The following POLR3B variants were observed in gnomAD, a reference collection of about 807,000 sequenced individuals.
POLR3B encodes the protein RNA polymerase III subunit B, also known as DNA-directed RNA polymerase III subunit RPC2.
In POLR3B, 96 loss-of-function variants were observed where a neutral mutation model predicts 147.4. The ratio of observed to expected loss-of-function variants is 0.65; its 90% confidence interval spans 0.55 to 0.77. The LOEUF is 0.77. POLR3B is among the 30% of genes least tolerant of loss of function. The pLI, the probability that POLR3B is intolerant of heterozygous loss-of-function variation, is 0.00. For missense variants in POLR3B, 1,036 were observed against 1,413.5 expected (o/e 0.73, Z 4.28); for synonymous variants, 461 against 485.9 (o/e 0.95, Z 0.67).
intron 2 of POLR3B, among the ~76,000 whole-genome samples, chr12:106,365,094 C>T (rs547215616): frequency 6.6e-6 from 1 of 152,178 alleles, no homozygotes; most frequent in East Asian, 1.9e-4. Flanking sequence ...GAGATCGCGC[C>T]ACTGCACTGC....
At chr12:106,439,823 A>G (rs2037625396) in intron 18 of POLR3B, among the ~76,000 whole-genome samples, 1 of 152,074 alleles carries the variant, frequency 6.6e-6, no homozygotes. Flanking sequence ...TTGGGAGGCT[A>G]AGGCATGAGG....
In POLR3B at chr12:106,433,770, G is replaced by A. The variant is rs779858391; in HGVS notation, c.1679G>A (p.Arg560Gln). 21 of 1,613,124 alleles carry A rather than the reference G, an allele frequency of 1.3e-5. No individual in the cohort carries two copies. The highest frequency in any genetic ancestry group is 6.7e-5 in the East Asian group (3 of 44,856). The change falls in exon 16 of 28, where the codon CGA becomes CAA. Residue 560 changes from arginine (R) to glutamine (Q), a missense_variant. Arg to Gln is a conservative substitution (Grantham distance 43). Transcript: ENST00000228347. Reference sequence around the variant, plus strand: ...CACAAAAAGCTAGTGAATACATTTCGACTCATGAGAAGAGCAGGATATATC... The same window carrying A: ...CACAAAAAGCTAGTGAATACATTTCAACTCATGAGAAGAGCAGGATATATC... ...RDHKKLVNTF[R>Q]LMRRAGYINE...
intron 23 of POLR3B, among the ~76,000 whole-genome samples, chr12:106,468,905 A>G (rs1318384501): frequency 6.6e-6 from 1 of 152,160 alleles, no homozygotes; most frequent in African/African-American, 2.4e-5. Context: ...TGCTGAGAAA[A>G]ATGTATATTC....
At position 106,432,762 on chromosome 12, in the gene POLR3B, G is replaced by A. The variant is rs1033087640; in HGVS notation, c.1627+282G>A. Among the ~76,000 whole-genome samples, 7 of 152,088 alleles carry A rather than the reference G, an allele frequency of 4.6e-5. No individual in the cohort carries two copies. In the South Asian group the frequency reaches 6.2e-4, roughly 14 times the overall value. On this transcript the variant is annotated intron_variant, in intron 15 of 27. Coordinates refer to ENST00000228347, the MANE Select transcript of POLR3B (RefSeq NM_018082.6). ...TGCTGGCATATCCTTAGTGGAATACGGTTCAACATGGTATCTTTAAGTACA... is the reference window on the plus strand; with the variant it reads ...TGCTGGCATATCCTTAGTGGAATACAGTTCAACATGGTATCTTTAAGTACA...
At chr12:106,364,649 A>G (rs1382822306) in intron 2 of POLR3B, among the ~76,000 whole-genome samples, 1 of 152,232 alleles carries the variant, frequency 6.6e-6, no homozygotes, top group Non-Finnish European at 1.5e-5. Context: ...AAACCTGTAC[A>G]CAAATGCTCA....
chr12:106,410,103 TCA>T (rs1306189653), intron 11 of POLR3B: 6 of 152,290 alleles, frequency 3.9e-5, no homozygotes, highest in Non-Finnish European at 8.8e-5. Context: ...ATTCTTGTTA[TCA>T]CTGCATGACA....
At chr12:106,486,897 T>C (rs924833130) in intron 23 of POLR3B, among the ~76,000 whole-genome samples, 7 of 152,180 alleles carry the variant, frequency 4.6e-5, no homozygotes, top group African/African-American at 1.4e-4. Flanking sequence ...GCCCTCAACT[T>C]TGACAGTTCT....
chr12:106,379,633 G>C (rs976483750), intron 8 of POLR3B, among the ~76,000 whole-genome samples: 2 of 152,138 alleles, frequency 1.3e-5, no homozygotes, highest in Non-Finnish European at 2.9e-5. Flanking sequence ...TGAATTACTA[G>C]TTTAAAAACT....
intron 16 of POLR3B, among the ~76,000 whole-genome samples, chr12:106,436,472 C>G (rs1355075995): frequency 6.6e-6 from 1 of 152,188 alleles, no homozygotes; most frequent in Admixed American, 6.5e-5. Context: ...TAGCCACTCT[C>G]TTTGGTAATG....
chr12:106,498,284 G>C (rs962406663), intron 25 of POLR3B, among the ~76,000 whole-genome samples: 2 of 152,140 alleles, frequency 1.3e-5, no homozygotes, highest in African/African-American at 2.4e-5. Context: ...GCCTGGCTGC[G>C]GTGCAGTGAA....
At chr12:106,440,283 A>G (rs1389289021) in intron 18 of POLR3B, among the ~76,000 whole-genome samples, 1 of 152,134 alleles carries the variant, frequency 6.6e-6, no homozygotes, top group African/African-American at 2.4e-5. Context: ...TCCATCACCT[A>G]GTCCAGGCCA....
In POLR3B at chr12:106,418,851, G is replaced by A. The variant is rs146661799; in HGVS notation, c.1101+7891G>A. 7.4e-3 allele frequency among the ~76,000 whole-genome samples: 1,119 copies of A among 152,226 alleles called. 16 individuals carry two copies. Among genetic ancestry groups the A allele is most frequent in the African/African-American group, 0.026 (1,077 of 41,536 alleles). ...TTTTTTCTTTTAAACTGAAATTTTAGGAGTAGGAAAATTTAATAATGAGGC... is the reference window on the plus strand; with the variant it reads ...TTTTTTCTTTTAAACTGAAATTTTAAGAGTAGGAAAATTTAATAATGAGGC... On this transcript the variant is annotated intron_variant, in intron 12 of 27. Coordinates refer to ENST00000228347, the MANE Select transcript of POLR3B (RefSeq NM_018082.6).
chr12:106,472,325 G>A (rs1351978859), intron 23 of POLR3B, among the ~76,000 whole-genome samples: 10 of 151,788 alleles, frequency 6.6e-5, no homozygotes, highest in East Asian at 1.9e-4. Context: ...ATAAACATAC[G>A]TGTGCATGTG....
At chr12:106,482,166 C>T (rs1393800027) in intron 23 of POLR3B, among the ~76,000 whole-genome samples, 1 of 152,170 alleles carries the variant, frequency 6.6e-6, no homozygotes, top group Non-Finnish European at 1.5e-5. Context: ...TGTCACCCAT[C>T]TGAAGCCAGA....
rs1434347449 is a variant in POLR3B at position 106,430,281 on chromosome 12, G to C, written c.1272G>C (p.Trp424Cys). 6.2e-7 allele frequency: 1 copy of C among 1,613,202 alleles called. No individual in the cohort carries two copies. Among genetic ancestry groups the C allele is most frequent in the African/African-American group, 1.3e-5 (1 of 74,910 alleles). Residue 424 changes from tryptophan (W) to cysteine (C), a missense_variant, in exon 14 of 28, where the codon TGG becomes TGC. Coordinates refer to ENST00000228347, the MANE Select transcript of POLR3B (RefSeq NM_018082.6). ...GMVNAISTGN[W>C]SLKRFKMDRQ... The stretch of plus-strand genomic sequence containing the variant: ...CTTTCATCTCCCTACAGGGAAATTG[G>C]TCTTTAAAGAGATTTAAAATGGACC...
At chr12:106,381,872 AGG>A (rs1456411288) in intron 9 of POLR3B, 1 of 152,240 alleles carries the variant, frequency 6.6e-6, no homozygotes, top group African/African-American at 2.4e-5. Flanking sequence ...ATGCTAAAGA[AGG>A]GGTGGATTAT....
intron 12 of POLR3B, among the ~76,000 whole-genome samples, chr12:106,423,423 AC>A: frequency 6.6e-6 from 1 of 152,160 alleles, no homozygotes; most frequent in Non-Finnish European, 1.5e-5. Flanking sequence ...GATTATGGAG[AC>A]AGAGAAGTCC....
intron 27 of POLR3B, 90 bp from the exon 28 acceptor site, chr12:106,509,330 A>G (rs1356341871): frequency 3.9e-6 from 5 of 1,280,432 alleles, no homozygotes; most frequent in Admixed American, 3.4e-5. Flanking sequence ...GAATGATAAT[A>G]GAACTTTATA....
At chr12:106,359,551 C>G (rs1000354062) in intron 1 of POLR3B, among the ~76,000 whole-genome samples, 7 of 151,978 alleles carry the variant, frequency 4.6e-5, no homozygotes, top group African/African-American at 1.7e-4. Flanking sequence ...ATGCTGGTCT[C>G]GAACTCCTGA....
Sources: gnomAD v4.1 joint callset for allele counts (sites outside exome capture counted in the v4.1 genomes callset) on GRCh38, gnomAD v4.1.1 for gene constraint, MANE v1.5 for transcripts, NCBI Gene and HGNC (gene_info 2026-07-23, HGNC 2026-07-21) for gene names.